The following RLF variants were observed in gnomAD, a reference collection of about 807,000 sequenced individuals.
RLF encodes the protein RLF zinc finger.
RLF carries 7 observed loss-of-function variants against 162.9 expected under a neutral mutation model. That is an observed-to-expected ratio of 0.04 (90% CI 0.02 to 0.08). The LOEUF is 0.08. RLF is among the 10% of genes least tolerant of loss of function. The pLI is 1.00. For synonymous variants in RLF, 782 were observed against 791.5 expected (o/e 0.99, Z 0.20); for missense variants, 1,664 against 2,244.7 (o/e 0.74, Z 5.23).
At chr1:40,182,213 C>G (rs533839058) in intron 1 of RLF, among the ~76,000 whole-genome samples, 3 of 152,132 alleles carry the variant, frequency 2.0e-5, no homozygotes, top group Non-Finnish European at 4.4e-5. Context: ...GTGAGCAGAT[C>G]ACGAGGTCAA....
At chr1:40,174,615 C>CT (rs1440008577) in intron 1 of RLF, among the ~76,000 whole-genome samples, 13 of 152,094 alleles carry the variant, frequency 8.5e-5, no homozygotes, top group African/African-American at 3.1e-4. Context: ...ATAAATTAAT[C>CT]TTTTAAAAGT....
In RLF at chr1:40,175,534, G is replaced by A. The variant is rs375866953; in HGVS notation, c.238-13521G>A. Among the ~76,000 whole-genome samples, 15 of 151,954 alleles carry A rather than the reference G, an allele frequency of 9.9e-5. 1 individual carries two copies. Among genetic ancestry groups the A allele is most frequent in the East Asian group, 3.9e-4 (2 of 5,144 alleles). ...CGTGGTGGCAGGTGCCTGTAATCCCGGCTACTTGGGAGACTGAGGCAGGAG... is the reference window on the plus strand; with the variant it reads ...CGTGGTGGCAGGTGCCTGTAATCCCAGCTACTTGGGAGACTGAGGCAGGAG... On this transcript the variant is annotated intron_variant, in intron 1 of 7. Coordinates refer to ENST00000372771, the MANE Select transcript of RLF (RefSeq NM_012421.4).
At chr1:40,162,619 TAA>T (rs2124520644) in intron 1 of RLF, among the ~76,000 whole-genome samples, 1 of 152,294 alleles carries the variant, frequency 6.6e-6, no homozygotes, top group Non-Finnish European at 1.5e-5. Flanking sequence ...CGTTCTAAAA[TAA>T]TAATTTTGGG....
At chr1:40,199,303 A>T (rs574775058) in intron 4 of RLF, among the ~76,000 whole-genome samples, 2 of 152,358 alleles carry the variant, frequency 1.3e-5, no homozygotes, top group Non-Finnish European at 1.5e-5. Context: ...ACAAGACATG[A>T]TATTTGTTCA....
intron 4 of RLF, among the ~76,000 whole-genome samples, chr1:40,199,418 G>A (rs1642680948): frequency 6.6e-6 from 1 of 152,118 alleles, no homozygotes; most frequent in Admixed American, 6.5e-5. Context: ...TGCATTTCTA[G>A]TATTTCTTTA....
At chr1:40,219,932 T>TG (rs1642970017) in intron 5 of RLF, among the ~76,000 whole-genome samples, 1 of 152,016 alleles carries the variant, frequency 6.6e-6, no homozygotes, top group African/African-American at 2.4e-5. Flanking sequence ...TTAGAAGGCA[T>TG]GGAGATAATG....
At chr1:40,228,697 C>G (rs1643112939) in intron 6 of RLF, among the ~76,000 whole-genome samples, 1 of 150,802 alleles carries the variant, frequency 6.6e-6, no homozygotes, top group South Asian at 2.1e-4. Context: ...TCGAAGCTCG[C>G]TGCAGCCTTG....
chr1:40,161,622 C>T lies in RLF; in HGVS notation c.223C>T (p.Arg75Trp), dbSNP rs1467840272. 2 of 1,612,264 alleles carry T rather than the reference C, an allele frequency of 1.2e-6. No individual in the cohort carries two copies. Among genetic ancestry groups the T allele is most frequent in the Non-Finnish European group, 1.7e-6 (2 of 1,179,286 alleles). ...VSEVSSLNYC[R>W]SFCQTLLQYA... ...GGAGGTCTCATCTTTGAACTACTGCCGGAGCTTCTGCCAGGTGAGGGGCTG... is the reference window on the plus strand; with the variant it reads ...GGAGGTCTCATCTTTGAACTACTGCTGGAGCTTCTGCCAGGTGAGGGGCTG... The change falls in exon 1 of 8, where the codon CGG (arginine) becomes TGG (tryptophan). Residue 75 changes from arginine (R) to tryptophan (W), a missense_variant. Physicochemically the swap from Arg to Trp is moderately radical, Grantham distance 101. This residue lies in a region of RLF where 134 missense variants were observed against 124.3 expected (regional missense o/e 1.08). Transcript: ENST00000372771. This position sits in a 1 kb window ranked among gnomAD's most constrained non-coding sequence, Gnocchi z 4.4.
At chr1:40,234,801 C>G (rs536938462) in intron 7 of RLF, among the ~76,000 whole-genome samples, 1 of 152,284 alleles carries the variant, frequency 6.6e-6, no homozygotes, top group African/African-American at 2.4e-5. Flanking sequence ...ATTTCAGCCT[C>G]TCAGATAAAA....
intron 1 of RLF, among the ~76,000 whole-genome samples, chr1:40,180,546 G>A (rs1642391967): frequency 6.6e-6 from 1 of 152,034 alleles, no homozygotes; most frequent in South Asian, 2.1e-4. Context: ...ACAGGTGTGA[G>A]CCACTTGGTC....
intron 5 of RLF, among the ~76,000 whole-genome samples, chr1:40,206,196 C>T: frequency 6.6e-6 from 1 of 152,066 alleles, no homozygotes; most frequent in South Asian, 2.1e-4. Flanking sequence ...TTTTTTAGTC[C>T]TCACTATGTG....
intron 1 of RLF, among the ~76,000 whole-genome samples, chr1:40,171,244 G>A (rs1642240427): frequency 6.6e-6 from 1 of 151,932 alleles, no homozygotes. Context: ...GCCCAGGCTG[G>A]TCTTCAACTT....
rs764959739 is a variant in RLF, at chr1:40,202,562, C to G, written c.758C>G (p.Ala253Gly). 7 of 1,563,204 alleles carry G rather than the reference C, an allele frequency of 4.5e-6. No homozygotes were observed. The highest frequency in any genetic ancestry group is 1.2e-5 in the South Asian group (1 of 80,510). Residue 253 changes from alanine to glycine, a missense_variant, in exon 5 of 8, where the codon GCC becomes GGC. Physicochemically the swap from Ala to Gly is moderately conservative, Grantham distance 60. This residue lies in a region of RLF where 287 missense variants were observed against 404.9 expected (regional missense o/e 0.71). Transcript: ENST00000372771. Reference sequence around the variant, plus strand: ...TCAAATGTGTCATCTTTTCAGCAAGCCTATATCACATGTTTATGTTCTATG... The same window carrying G: ...TCAAATGTGTCATCTTTTCAGCAAGGCTATATCACATGTTTATGTTCTATG... ...EISNVSSFQQ[A>G]YITCLCSMLP...
At chr1:40,229,567 G>T (rs1643127237) in intron 6 of RLF, among the ~76,000 whole-genome samples, 1 of 145,896 alleles carries the variant, frequency 6.9e-6, no homozygotes, top group Admixed American at 7.2e-5. Context: ...CAATTCTCCT[G>T]CCTCAGCCTC....
At chr1:40,216,499 AAAG>A (rs1553175400) in intron 5 of RLF, among the ~76,000 whole-genome samples, 1 of 149,594 alleles carries the variant, frequency 6.7e-6, no homozygotes, top group African/African-American at 2.4e-5. Context: ...AAAAAAAAAA[AAAG>A]AGAGAGAGAA....
intron 1 of RLF, among the ~76,000 whole-genome samples, chr1:40,178,537 TA>T (rs1642359142): frequency 6.6e-6 from 1 of 151,232 alleles, no homozygotes; most frequent in Admixed American, 6.6e-5. Flanking sequence ...AATATATACT[TA>T]AAAATTGTTC....
chr1:40,195,515 A>C, intron 3 of RLF, 117 bp from the exon 4 acceptor site: 1 of 792,288 alleles, frequency 1.3e-6, no homozygotes, highest in Non-Finnish European at 1.9e-6. Flanking sequence ...TTGGTTACTT[A>C]TTTTCAGGAA....
intron 1 of RLF, among the ~76,000 whole-genome samples, chr1:40,187,281 C>T (rs1346337709): frequency 3.3e-5 from 5 of 152,134 alleles, no homozygotes; most frequent in East Asian, 1.9e-4. Flanking sequence ...CCGTCCGCCT[C>T]GGCCTCCCAA....
intron 1 of RLF, among the ~76,000 whole-genome samples, chr1:40,168,136 G>A (rs1241947215): frequency 3.9e-5 from 6 of 152,020 alleles, no homozygotes; most frequent in Admixed American, 2.6e-4. Flanking sequence ...GATCACTTGC[G>A]CTCAGGAGGT....
Sources: gnomAD v4.1 joint callset for allele counts (sites outside exome capture counted in the v4.1 genomes callset) on GRCh38, gnomAD v4.1.1 for gene constraint, gnomAD v4.1.1 regional missense constraint, Gnocchi (gnomAD v3.1) non-coding constraint, MANE v1.5 for transcripts, NCBI Gene and HGNC (gene_info 2026-07-23, HGNC 2026-07-21) for gene names.